Variants in DCC observed in about 807,000 individuals in gnomAD.
DCC encodes netrin receptor DCC.
Under a neutral mutation model 172.5 loss-of-function variants are expected in DCC, and 58 were observed. The ratio of observed to expected loss-of-function variants is 0.34; its 90% confidence interval spans 0.27 to 0.42. The LOEUF is 0.42. DCC is among the 10% of genes least tolerant of loss of function. DCC has a pLI of 1.00. For synonymous variants in DCC, 709 were observed against 644.5 expected, an observed-to-expected ratio of 1.10 and a Z score of -1.52; for missense variants, 1,740 against 1,791.0, an observed-to-expected ratio of 0.97 and a Z score of 0.51.
At chr18:53,503,490 C>CAAATCACAAATGTAG (rs1477272191) in intron 27 of DCC, among the ~76,000 whole-genome samples, 1 of 152,158 alleles carries the variant, frequency 6.6e-6, no homozygotes, top group Non-Finnish European at 1.5e-5. Flanking sequence ...CTACACTTTG[C>CAAATCACAAATGTAG]AAATCACAAA....
chr18:53,171,148 G>C (rs571132449), intron 8 of DCC, among the ~76,000 whole-genome samples: 117 of 152,292 alleles, frequency 7.7e-4, no homozygotes, highest in Middle Eastern at 3.4e-3. Context: ...GCCTCCCAAA[G>C]TGCTGGGATT....
At chr18:52,704,211 A>T (rs1257369266) in intron 1 of DCC, among the ~76,000 whole-genome samples, 2 of 152,154 alleles carry the variant, frequency 1.3e-5, no homozygotes, top group Non-Finnish European at 2.9e-5. Context: ...ATTCAAATGT[A>T]ATAATTATTT....
intron 9 of DCC, among the ~76,000 whole-genome samples, chr18:53,189,446 G>GTGTA (rs1555727515): frequency 6.6e-6 from 1 of 150,584 alleles, no homozygotes; most frequent in Non-Finnish European, 1.5e-5. Flanking sequence ...CATATATAGT[G>GTGTA]TATATATATA....
At chr18:53,286,585 G>A (rs1323939264) in intron 12 of DCC, among the ~76,000 whole-genome samples, 2 of 152,170 alleles carry the variant, frequency 1.3e-5, no homozygotes, top group East Asian at 3.9e-4. Context: ...CTCTAATTGT[G>A]CCTGGCTTTC....
At chr18:53,340,809 G>A (rs2057651208) in intron 15 of DCC, among the ~76,000 whole-genome samples, 1 of 152,126 alleles carries the variant, frequency 6.6e-6, no homozygotes. Context: ...CACTGGAAAT[G>A]CAGCTTGATT....
intron 5 of DCC, among the ~76,000 whole-genome samples, chr18:53,061,996 A>C (rs968948971): frequency 2.6e-5 from 4 of 152,268 alleles, no homozygotes; most frequent in South Asian, 4.1e-4. Context: ...AGAGGTATTC[A>C]AGTAATATTT....
intron 1 of DCC, among the ~76,000 whole-genome samples, chr18:52,514,594 C>T (rs1041553907): frequency 1.3e-5 from 2 of 152,202 alleles, no homozygotes; most frequent in Non-Finnish European, 2.9e-5. Flanking sequence ...GCTGATTTGT[C>T]TCCTTAAAAT....
chr18:53,248,536 G>A (rs1434435629), intron 12 of DCC, among the ~76,000 whole-genome samples: 4 of 152,008 alleles, frequency 2.6e-5, no homozygotes, highest in Non-Finnish European at 4.4e-5. Context: ...GCCAGATTGA[G>A]GACAATCCTT....
At chr18:52,905,979 T>A in intron 2 of DCC, 65 bp from the exon 3 acceptor site, 1 of 1,095,804 alleles carries the variant, frequency 9.1e-7, no homozygotes, top group Non-Finnish European at 1.4e-6. Context: ...AAAGTGATTA[T>A]TTTTATTGGC....
chr18:52,588,717 G>A (rs998325479), intron 1 of DCC, among the ~76,000 whole-genome samples: 1 of 146,008 alleles, frequency 6.8e-6, no homozygotes, highest in African/African-American at 2.5e-5. Context: ...CAGACAGAAG[G>A]AATATGCCTG....
At position 52,661,854 on chromosome 18, in the gene DCC, G is replaced by T. The variant is rs572430827; in HGVS notation, c.92-90200G>T. On this transcript the variant is annotated intron_variant, in intron 1 of 28. Transcript: ENST00000442544. ...AACTTTAATATTTTGACAGAGATAAGAAAATATTAAGCAATCATATAGTAA... is the reference window on the plus strand; with the variant it reads ...AACTTTAATATTTTGACAGAGATAATAAAATATTAAGCAATCATATAGTAA... 6.6e-5 allele frequency among the ~76,000 whole-genome samples: 10 copies of T among 152,274 alleles called. No homozygotes were observed. The East Asian group carries it at 1.7e-3, about 26-fold the overall frequency.
At chr18:52,516,241 A>G (rs1212671357) in intron 1 of DCC, among the ~76,000 whole-genome samples, 1 of 152,218 alleles carries the variant, frequency 6.6e-6, no homozygotes, top group Non-Finnish European at 1.5e-5. Context: ...CTGGGCATTT[A>G]TTTCAGAGAA....
At chr18:53,029,342 A>T (rs2041997429) in intron 5 of DCC, among the ~76,000 whole-genome samples, 1 of 152,220 alleles carries the variant, frequency 6.6e-6, no homozygotes, top group Non-Finnish European at 1.5e-5. Context: ...CCTGTTCATG[A>T]GATCCTGAAA....
chr18:53,490,277 G>GTTC (rs1200673401), intron 26 of DCC, among the ~76,000 whole-genome samples: 1 of 152,112 alleles, frequency 6.6e-6, no homozygotes, highest in Non-Finnish European at 1.5e-5. Context: ...GTGTTACGTC[G>GTTC]TTCTTCTGAG....
chr18:52,349,020 G>A (rs144799638), intron 1 of DCC, among the ~76,000 whole-genome samples: 3 of 152,220 alleles, frequency 2.0e-5, no homozygotes, highest in African/African-American at 4.8e-5. Flanking sequence ...GAAACACAGA[G>A]TAGTAATGGT....
chr18:53,415,813 G>GTT (rs34628885), intron 20 of DCC, among the ~76,000 whole-genome samples: 21 of 151,512 alleles, frequency 1.4e-4, no homozygotes, highest in Non-Finnish European at 2.7e-4. Flanking sequence ...ATTGCATGCA[G>GTT]TTTTTTTTTA....
intron 2 of DCC, among the ~76,000 whole-genome samples, chr18:52,868,697 C>T (rs1287858191): frequency 2.0e-5 from 3 of 152,186 alleles, no homozygotes; most frequent in Admixed American, 2.0e-4. Flanking sequence ...TTTGCTTAGG[C>T]CTGCTGGGCT....
At chr18:53,407,353 T>C (rs1909721690) in intron 19 of DCC, among the ~76,000 whole-genome samples, 1 of 151,508 alleles carries the variant, frequency 6.6e-6, no homozygotes, top group Non-Finnish European at 1.5e-5. Flanking sequence ...TTTTATTAGA[T>C]TTTTGGGGGG....
At chr18:53,243,141 G>A (rs2056323860) in intron 12 of DCC, among the ~76,000 whole-genome samples, 1 of 152,186 alleles carries the variant, frequency 6.6e-6, no homozygotes, top group Admixed American at 6.6e-5. Context: ...TTTGGTTTAT[G>A]TGGCATAGAT....
Sources: allele counts gnomAD v4.1 joint callset (sites outside exome capture counted in the v4.1 genomes callset), GRCh38; gene constraint gnomAD v4.1.1; transcripts MANE v1.5; gene names NCBI Gene and HGNC (gene_info 2026-07-23, HGNC 2026-07-21).